The following GON4L variants were observed in gnomAD, a reference collection of about 807,000 sequenced individuals.
The protein encoded by GON4L is gon-4 like, also known as GON-4-like protein.
A neutral mutation model predicts 211.8 loss-of-function variants in GON4L; 87 were observed. The observed-to-expected ratio is 0.41, with a 90% CI of 0.35 to 0.49. GON4L has a LOEUF of 0.49. Among genes scored for constraint, GON4L ranks in the 20% least tolerant of loss-of-function variants. The pLI, the probability that GON4L is intolerant of heterozygous loss-of-function variation, is 0.15. For synonymous variants in GON4L, 875 were observed against 962.6 expected (o/e 0.91, Z 1.68); for missense variants, 2,155 against 2,659.5 (o/e 0.81, Z 4.17).
At chr1:155,836,533 C>A (rs941148455) in intron 2 of GON4L, among the ~76,000 whole-genome samples, 2 of 152,194 alleles carry the variant, frequency 1.3e-5, no homozygotes, top group Non-Finnish European at 2.9e-5. Flanking sequence ...TAGGCGTGAG[C>A]CACCACGCCT....
At chr1:155,773,626 T>C (rs1226145833) in intron 17 of GON4L, among the ~76,000 whole-genome samples, 1 of 152,190 alleles carries the variant, frequency 6.6e-6, no homozygotes, top group Non-Finnish European at 1.5e-5. Context: ...CCCTCACAAA[T>C]CTGGTATTCC....
intron 2 of GON4L, among the ~76,000 whole-genome samples, chr1:155,838,076 T>C (rs1489273410): frequency 3.3e-5 from 5 of 150,044 alleles, no homozygotes; most frequent in South Asian, 2.1e-4. Context: ...CTGGGCAACA[T>C]AGTGAGACTC....
At chr1:155,804,822 AAATT>A in intron 11 of GON4L, 123 bp downstream of exon 11, 1 of 759,502 alleles carries the variant, frequency 1.3e-6, no homozygotes, top group Non-Finnish European at 2.3e-6. Flanking sequence ...GATTTAAGAT[AAATT>A]ATCAGTTAAA....
downstream of GON4L, chr1:155,748,729 G>C (rs1447677546): frequency 8.7e-6 from 14 of 1,614,008 alleles, no homozygotes; most frequent in Non-Finnish European, 1.2e-5. Flanking sequence ...GAGCCTTCTG[G>C]AACACGTTGC....
At position 155,821,434 on chromosome 1, in the gene GON4L, C is replaced by T. The variant is rs370709065; in HGVS notation, c.963+40G>A. On this transcript the variant is annotated intron_variant, in intron 5 of 31. Coordinates refer to ENST00000368331, the MANE Select transcript of GON4L (RefSeq NM_001282860.2). ...ACCCTTAGCCAGTTTAGAGATAACT[C>T]TGTTCCAAGACATTAAAAGAGTGAT... is the stretch of plus-strand genomic sequence containing the variant. 4.1e-5 allele frequency: 51 copies of T among 1,249,758 alleles called. 1 individual carries two copies. The East Asian group carries it at 4.9e-4, about 12-fold the overall frequency. 77.4% of individuals were successfully genotyped at this position (1,249,758 alleles called of 1,614,324 possible). A position where few individuals can be genotyped will look rare whatever the true frequency, so the allele number is the denominator to read the frequency against.
chr1:155,792,532 G>C (rs1665697608), intron 12 of GON4L, among the ~76,000 whole-genome samples: 1 of 152,064 alleles, frequency 6.6e-6, no homozygotes, highest in Non-Finnish European at 1.5e-5. Context: ...ATTATGAGGT[G>C]ATCAGTATAT....
chr1:155,847,772 G>A (rs773773882), intron 2 of GON4L, among the ~76,000 whole-genome samples: 4 of 152,114 alleles, frequency 2.6e-5, no homozygotes, highest in Non-Finnish European at 5.9e-5. Context: ...TACTCGAAAG[G>A]CTGGGGTAGG....
At chr1:155,763,628 A>C (rs948588343) in intron 21 of GON4L, 64 bp from the exon 22 acceptor site, 1 of 1,350,770 alleles carries the variant, frequency 7.4e-7, no homozygotes, top group African/African-American at 1.5e-5. Context: ...CAAACAACAC[A>C]AAGCTATATC....
chr1:155,797,303 C>T (rs190977396), intron 11 of GON4L, among the ~76,000 whole-genome samples: 2 of 151,566 alleles, frequency 1.3e-5, no homozygotes, highest in Admixed American at 6.6e-5. Context: ...TTAGTAGAGA[C>T]GGCGTTTCAC....
chr1:155,759,432 G>A lies in GON4L; in HGVS notation c.5109+1012C>T, dbSNP rs991950029. 5.3e-5 allele frequency among the ~76,000 whole-genome samples: 8 copies of A among 152,216 alleles called. No individual in the cohort carries two copies. In the East Asian group the frequency reaches 7.8e-4, roughly 15 times the overall value. ...ACTAAAAATACAAAATTAGCCAGGC[G>A]TGGTGGTGGCGCATGCCTGTAATCC... On this transcript the variant is annotated intron_variant, in intron 24 of 31. Coordinates refer to ENST00000368331, the MANE Select transcript of GON4L (RefSeq NM_001282860.2).
At chr1:155,767,137 GA>G in intron 20 of GON4L, 1 of 704,978 alleles carries the variant, frequency 1.4e-6, no homozygotes, top group South Asian at 2.0e-5. Context: ...ATCTTTCCAA[GA>G]AGGGTCTCTC....
chr1:155,768,130 C>A (rs187310154), intron 19 of GON4L, among the ~76,000 whole-genome samples: 1 of 152,032 alleles, frequency 6.6e-6, no homozygotes, highest in African/African-American at 2.4e-5. Context: ...TGGCAAAACC[C>A]CTATTCCTAC....
intron 11 of GON4L, among the ~76,000 whole-genome samples, chr1:155,804,319 T>C (rs1666944598): frequency 6.6e-6 from 1 of 152,044 alleles, no homozygotes; most frequent in Admixed American, 6.6e-5. Flanking sequence ...AAGGCTACAG[T>C]GAGCTATGAT....
intron 16 of GON4L, 33 bp from the exon 17 acceptor site, chr1:155,775,206 C>T: frequency 6.2e-7 from 1 of 1,613,896 alleles, no homozygotes; most frequent in South Asian, 1.1e-5. Flanking sequence ...AGATTTAAGA[C>T]AATTCCAGAC....
chr1:155,746,877 G>T (rs1318246125), downstream of GON4L: 8 of 1,596,344 alleles, frequency 5.0e-6, 1 homozygote, highest in Non-Finnish European at 6.8e-6. Flanking sequence ...CAGAGGTGAG[G>T]GCCTCTGTCC....
At position 155,805,014 on chromosome 1, in the gene GON4L, G is replaced by A. The variant is rs777218137; in HGVS notation, c.1580C>T (p.Thr527Met). ...CATCTTCCAGTCCTCATCATCTGCC[G>A]TATTGGGGTCATACATATCTGGAGT... ...DITPDMYDPN[T>M]ADDEDWKMWL... The change falls in exon 11 of 32, where the codon ACG (threonine) becomes ATG (methionine). Residue 527 changes from threonine (T) to methionine (M), a missense_variant. This residue lies in a region of GON4L where 551 missense variants were observed against 854.0 expected (regional missense o/e 0.65). Transcript: ENST00000368331. 28 of 1,613,386 alleles carry A rather than the reference G, an allele frequency of 1.7e-5. No homozygotes were observed. Among genetic ancestry groups the A allele is most frequent in the East Asian group, 2.2e-5 (1 of 44,868 alleles).
intron 2 of GON4L, among the ~76,000 whole-genome samples, chr1:155,837,082 C>A (rs895223339): frequency 6.6e-6 from 1 of 152,252 alleles, no homozygotes; most frequent in South Asian, 2.1e-4. Context: ...CATTTGGTGC[C>A]GTTTCATTTT....
chr1:155,853,545 C>G lies in GON4L; in HGVS notation c.236G>C (p.Ser79Thr), dbSNP rs1672004239. 1 of 1,614,122 alleles carries G rather than the reference C, an allele frequency of 6.2e-7. No homozygotes were observed. Among genetic ancestry groups the G allele is most frequent in the Admixed American group, 1.7e-5 (1 of 60,018 alleles). ...NQLGMEDTSL[S>T]SGMLTQNTNV... ...TGTGTTCTGGGTGAGCATTCCAGAG[C>G]TCAGAGATGTATCCTCCATACCAAG... is the stretch of plus-strand genomic sequence containing the variant. The change falls in exon 2 of 32, where the codon AGC (serine) becomes ACC (threonine). Residue 79 changes from serine (S) to threonine (T), a missense_variant. By Grantham distance (58) the Ser-to-Thr change is moderately conservative (BLOSUM62 1). Around this residue, in one of 6 missense-constraint regions of GON4L, gnomAD observed 313 missense variants for 293.2 expected, o/e 1.07. Transcript: ENST00000368331.
chr1:155,779,796 T>G (rs1664229882), intron 14 of GON4L, among the ~76,000 whole-genome samples: 1 of 151,882 alleles, frequency 6.6e-6, no homozygotes, highest in South Asian at 2.1e-4. Context: ...GGAATTTATT[T>G]ATTTATTTAT....
Sources: gnomAD v4.1 joint callset for allele counts (sites outside exome capture counted in the v4.1 genomes callset) on GRCh38, gnomAD v4.1.1 for gene constraint, gnomAD v4.1.1 regional missense constraint, MANE v1.5 for transcripts, NCBI Gene and HGNC (gene_info 2026-07-23, HGNC 2026-07-21) for gene names.